Variants in ADAMTS12 observed in about 807,000 individuals in gnomAD.
ADAMTS12 encodes the protein ADAM metallopeptidase with thrombospondin type 1 motif 12, also known as A disintegrin and metalloproteinase with thrombospondin motifs 12.
Under a neutral mutation model 167.8 loss-of-function variants are expected in ADAMTS12, and 118 were observed. The observed-to-expected ratio is 0.70, with a 90% CI of 0.61 to 0.82. The LOEUF (loss-of-function observed/expected upper bound fraction) is 0.82, where lower values mean the gene tolerates loss of function less well. ADAMTS12 is among the 40% of genes least tolerant of loss of function. The probability of loss-of-function intolerance (pLI) is 0.00; values close to 1 mark genes in which losing one functional copy is unlikely to be tolerated. For missense variants in ADAMTS12, 1,916 were observed against 1,998.8 expected, an observed-to-expected ratio of 0.96 and a Z score of 0.79; for synonymous variants, 704 against 716.9, an observed-to-expected ratio of 0.98 and a Z score of 0.29.
At chr5:33,542,303 T>C (rs755552189) in intron 22 of ADAMTS12, among the ~76,000 whole-genome samples, 1 of 152,190 alleles carries the variant, frequency 6.6e-6, no homozygotes, top group Non-Finnish European at 1.5e-5. Flanking sequence ...TAAATATACA[T>C]GCACCCAATA....
intron 18 of ADAMTS12, among the ~76,000 whole-genome samples, chr5:33,579,669 T>C (rs1199773477): frequency 2.6e-5 from 4 of 152,200 alleles, no homozygotes; most frequent in African/African-American, 9.6e-5. Flanking sequence ...TCATATTAAC[T>C]CCTTGTGTGA....
At chr5:33,827,527 CT>C (rs1748125072) in intron 2 of ADAMTS12, among the ~76,000 whole-genome samples, 1 of 152,102 alleles carries the variant, frequency 6.6e-6, no homozygotes, top group South Asian at 2.1e-4. Flanking sequence ...TTGTTCCAAA[CT>C]TTCTAAGTTT....
At chr5:33,566,621 C>T (rs980786871) in intron 19 of ADAMTS12, among the ~76,000 whole-genome samples, 2 of 152,122 alleles carry the variant, frequency 1.3e-5, no homozygotes, top group Non-Finnish European at 2.9e-5. Context: ...AGTTCTCATG[C>T]CTCACCTGGA....
At chr5:33,674,009 G>C (rs888813427) in intron 5 of ADAMTS12, among the ~76,000 whole-genome samples, 1 of 152,058 alleles carries the variant, frequency 6.6e-6, no homozygotes, top group African/African-American at 2.4e-5. Context: ...GTGCAAGGTC[G>C]TAATAATCAA....
chr5:33,802,024 T>C (rs540196908), intron 2 of ADAMTS12, among the ~76,000 whole-genome samples: 1 of 152,324 alleles, frequency 6.6e-6, no homozygotes, highest in East Asian at 1.9e-4. Context: ...ATGAGATCAG[T>C]GCCTTATAAG....
intron 3 of ADAMTS12, among the ~76,000 whole-genome samples, chr5:33,688,062 A>C (rs9292504): frequency 0.22 from 34,170 of 152,106 alleles, 4,017 homozygotes; most frequent in East Asian, 0.42. Flanking sequence ...AAGCAACTAA[A>C]GGGCTAGAAA....
intron 2 of ADAMTS12, among the ~76,000 whole-genome samples, chr5:33,846,036 T>C (rs1431577626): frequency 6.6e-6 from 1 of 152,192 alleles, no homozygotes; most frequent in Non-Finnish European, 1.5e-5. Flanking sequence ...CCTCCAGCAC[T>C]TGGGATCAAA....
chr5:33,817,217 C>T (rs960612378), intron 2 of ADAMTS12, among the ~76,000 whole-genome samples: 1 of 152,166 alleles, frequency 6.6e-6, no homozygotes, highest in African/African-American at 2.4e-5. Context: ...TTGAAACCTA[C>T]AGGTAGTAAG....
chr5:33,667,987 G>A (rs940425879), intron 5 of ADAMTS12, among the ~76,000 whole-genome samples: 1 of 152,132 alleles, frequency 6.6e-6, no homozygotes, highest in Non-Finnish European at 1.5e-5. Context: ...GTTTTAATGT[G>A]TGCAAGATAC....
intron 1 of ADAMTS12, among the ~76,000 whole-genome samples, chr5:33,886,821 T>C (rs774407786): frequency 3.3e-5 from 5 of 152,162 alleles, no homozygotes; most frequent in Non-Finnish European, 7.3e-5. Flanking sequence ...CAAGCTCAGC[T>C]ACCTCAACTA....
chr5:33,668,725 C>T (rs1374775871), intron 5 of ADAMTS12, among the ~76,000 whole-genome samples: 1 of 152,194 alleles, frequency 6.6e-6, no homozygotes, highest in African/African-American at 2.4e-5. Context: ...CCCAAGTGAT[C>T]CATCTGCCTT....
chr5:33,856,375 C>T (rs1267531300), intron 2 of ADAMTS12, among the ~76,000 whole-genome samples: 2 of 152,112 alleles, frequency 1.3e-5, no homozygotes, highest in South Asian at 2.1e-4. Flanking sequence ...GGGTAAGGGG[C>T]TATATGACTC....
intron 19 of ADAMTS12, among the ~76,000 whole-genome samples, chr5:33,562,011 C>T (rs1395711615): frequency 6.6e-6 from 1 of 151,656 alleles, no homozygotes; most frequent in Non-Finnish European, 1.5e-5. Context: ...TGAGAGCTGA[C>T]CTGCCCAAAG....
At chr5:33,849,959 G>A (rs1749160826) in intron 2 of ADAMTS12, among the ~76,000 whole-genome samples, 1 of 151,952 alleles carries the variant, frequency 6.6e-6, no homozygotes, top group Admixed American at 6.6e-5. Context: ...TAGTAGCAGA[G>A]GCAGGTGGGA....
At chr5:33,817,034 A>G (rs149835739) in intron 2 of ADAMTS12, among the ~76,000 whole-genome samples, 20 of 152,318 alleles carry the variant, frequency 1.3e-4, no homozygotes, top group Admixed American at 3.3e-4. Context: ...CTCTCAGTCT[A>G]TGAGCTGATC....
At chr5:33,631,237 G>A (rs4435872) in intron 12 of ADAMTS12, among the ~76,000 whole-genome samples, 75,991 of 151,948 alleles carry the variant, frequency 0.5, 19,827 homozygotes, top group Admixed American at 0.61. Context: ...TAAGGCACTG[G>A]GCATCTGGGG....
intron 3 of ADAMTS12, among the ~76,000 whole-genome samples, chr5:33,703,336 A>G (rs1183831419): frequency 6.6e-6 from 1 of 152,212 alleles, no homozygotes; most frequent in Non-Finnish European, 1.5e-5. Flanking sequence ...CCATCAAACC[A>G]TCATCACTAT....
intron 11 of ADAMTS12, 65 bp from the exon 12 acceptor site, chr5:33,637,811 T>A: frequency 6.5e-7 from 1 of 1,533,406 alleles, no homozygotes. Flanking sequence ...CCTTTAAAAC[T>A]CCTCTGGTAT....
At chr5:33,568,760 C>T (rs770092598) in intron 19 of ADAMTS12, among the ~76,000 whole-genome samples, 21 of 152,226 alleles carry the variant, frequency 1.4e-4, no homozygotes, top group Admixed American at 3.3e-4. Context: ...GTGGGTGCAG[C>T]GCACCGTGCA....
Sources: allele counts gnomAD v4.1 joint callset (sites outside exome capture counted in the v4.1 genomes callset), GRCh38; gene constraint gnomAD v4.1.1; transcripts MANE v1.5; gene names NCBI Gene and HGNC (gene_info 2026-07-23, HGNC 2026-07-21).